RARB: variants seen among roughly 807,000 people sequenced by gnomAD.
RARB encodes the protein retinoic acid receptor beta.
RARB carries 17 observed loss-of-function variants against 51.9 expected under a neutral mutation model. The observed-to-expected ratio is 0.33, with a 90% CI of 0.22 to 0.49. The LOEUF (loss-of-function observed/expected upper bound fraction) is 0.49. RARB is among the 20% of genes least tolerant of loss of function. The probability of loss-of-function intolerance (pLI) is 0.99; values close to 1 mark genes in which losing one functional copy is unlikely to be tolerated. For synonymous variants in RARB, 215 were observed against 195.4 expected (o/e 1.10, Z -0.84); for missense variants, 369 against 550.8 (o/e 0.67, Z 3.30).
chr3:25,311,792 C>A (rs745758678), intron 5 of RARB, among the ~76,000 whole-genome samples: 20 of 152,258 alleles, frequency 1.3e-4, no homozygotes, highest in Admixed American at 2.6e-4. Context: ...ACATATGGTA[C>A]ATAGACAGTT....
At chr3:24,935,003 TGTG>T (rs1695520367) in intron 2 of RARB, among the ~76,000 whole-genome samples, 1 of 152,168 alleles carries the variant, frequency 6.6e-6, no homozygotes. Flanking sequence ...AACCCTATCA[TGTG>T]GTACTATAAT....
chr3:24,989,888 T>C lies in RARB; in HGVS notation c.-379-70237T>C, dbSNP rs1203013487. Among the ~76,000 whole-genome samples, 11 of 87,664 alleles carry C rather than the reference T, an allele frequency of 1.3e-4. 4 individuals are homozygous for C. Among genetic ancestry groups the C allele is most frequent in the Non-Finnish European group, 2.1e-4 (10 of 46,654 alleles). 57.5% of individuals were successfully genotyped at this position (87,664 alleles called of 152,430 possible). A position where few individuals can be genotyped will look rare whatever the true frequency, so the allele number is the denominator to read the frequency against. On this transcript the variant is annotated intron_variant, in intron 2 of 11. Transcript: ENST00000383772. ...AATCTCGGCTCACTGCAAGCTCCCCTTCCCGGGTTCACGCCATTCTCCTGC... is the reference window on the plus strand; with the variant it reads ...AATCTCGGCTCACTGCAAGCTCCCCCTCCCGGGTTCACGCCATTCTCCTGC...
chr3:24,894,283 CCT>C (rs1330735055), intron 2 of RARB, among the ~76,000 whole-genome samples: 1 of 148,318 alleles, frequency 6.7e-6, no homozygotes, highest in Non-Finnish European at 1.5e-5. Flanking sequence ...CCCCGCCCTG[CCT>C]CTCTCTACCA....
At chr3:25,189,216 G>A (rs2043621) in intron 5 of RARB, among the ~76,000 whole-genome samples, 5,511 of 152,176 alleles carry the variant, frequency 0.036, 123 homozygotes, top group Middle Eastern at 0.068. Flanking sequence ...GCAAAAGCAG[G>A]TCCCTGCAGG....
At chr3:25,470,113 A>G (rs1375140988) in intron 2 of RARB, among the ~76,000 whole-genome samples, 3 of 152,162 alleles carry the variant, frequency 2.0e-5, no homozygotes, top group African/African-American at 4.8e-5. Flanking sequence ...AATCTCTGCA[A>G]TTTCACAGCT....
chr3:24,883,356 T>TTGTG (rs3057218), intron 2 of RARB, among the ~76,000 whole-genome samples: 7,832 of 143,674 alleles, frequency 0.055, 228 homozygotes, highest in African/African-American at 0.074. Flanking sequence ...TCAACAATCA[T>TTGTG]TGTGTGTGTG....
intron 3 of RARB, among the ~76,000 whole-genome samples, chr3:25,077,181 T>C (rs937227180): frequency 6.6e-6 from 1 of 152,174 alleles, no homozygotes; most frequent in African/African-American, 2.4e-5. Flanking sequence ...AACTACTCCT[T>C]CTAAACCAAG....
At chr3:25,535,511 T>A (rs1275231943) in intron 3 of RARB, among the ~76,000 whole-genome samples, 1 of 151,544 alleles carries the variant, frequency 6.6e-6, no homozygotes, top group Non-Finnish European at 1.5e-5. Flanking sequence ...GCTGCACCCA[T>A]CAGCCCCTCA....
intron 2 of RARB, among the ~76,000 whole-genome samples, chr3:24,892,843 T>C (rs1703412308): frequency 1.3e-5 from 2 of 152,194 alleles, no homozygotes; most frequent in Non-Finnish European, 2.9e-5. Flanking sequence ...ATAATATAGG[T>C]ATAGATGTTA....
intron 3 of RARB, among the ~76,000 whole-genome samples, chr3:25,127,859 G>C (rs778156205): frequency 3.3e-5 from 5 of 152,012 alleles, no homozygotes; most frequent in Non-Finnish European, 7.4e-5. Flanking sequence ...TTTTTACGAA[G>C]AGTAGTTCAC....
chr3:25,089,282 T>C (rs1361466089), intron 3 of RARB, among the ~76,000 whole-genome samples: 2 of 152,122 alleles, frequency 1.3e-5, no homozygotes, highest in Admixed American at 6.6e-5. Flanking sequence ...AAAAAAAGTA[T>C]GTGTTTTTCA....
At chr3:25,437,314 C>T (rs571955797) in intron 1 of RARB, among the ~76,000 whole-genome samples, 4 of 152,108 alleles carry the variant, frequency 2.6e-5, no homozygotes, top group Non-Finnish European at 5.9e-5. Flanking sequence ...TGAGCATTGT[C>T]ACCTTCAAAG....
At chr3:24,883,715 G>GA (rs1214669668) in intron 2 of RARB, among the ~76,000 whole-genome samples, 2 of 151,964 alleles carry the variant, frequency 1.3e-5, no homozygotes, top group African/African-American at 4.8e-5. Context: ...GAAAAATGAT[G>GA]AAATAAGCAT....
chr3:24,882,851 G>T (rs1703193590), intron 2 of RARB, among the ~76,000 whole-genome samples: 1 of 152,176 alleles, frequency 6.6e-6, no homozygotes, highest in Non-Finnish European at 1.5e-5. Context: ...ACCCATGATT[G>T]GTTGATGAAG....
At chr3:25,491,855 C>T (rs1425213197) in intron 2 of RARB, among the ~76,000 whole-genome samples, 1 of 151,788 alleles carries the variant, frequency 6.6e-6, no homozygotes, top group African/African-American at 2.4e-5. Context: ...GCACAAGAAT[C>T]GCTGGAACCC....
intron 1 of RARB, among the ~76,000 whole-genome samples, chr3:24,837,475 TTTC>T (rs1236315735): frequency 6.6e-6 from 1 of 152,254 alleles, no homozygotes; most frequent in East Asian, 1.9e-4. Flanking sequence ...CAATTGTGGT[TTTC>T]TTTTGATAAT....
chr3:25,405,908 G>A (rs1252704685), intron 5 of RARB, among the ~76,000 whole-genome samples: 1 of 152,128 alleles, frequency 6.6e-6, no homozygotes, highest in African/African-American at 2.4e-5. Context: ...AATGAGAAAG[G>A]GGGAAGACTG....
At chr3:25,341,132 G>A (rs10510563) in intron 5 of RARB, among the ~76,000 whole-genome samples, 28,809 of 152,120 alleles carry the variant, frequency 0.19, 3,478 homozygotes, top group Admixed American at 0.31. Flanking sequence ...CCTGAGCAAA[G>A]CAATACGATG....
At chr3:25,501,422 A>T in intron 3 of RARB, 99 bp downstream of exon 3, 4 of 1,454,606 alleles carry the variant, frequency 2.7e-6, no homozygotes, top group Non-Finnish European at 3.7e-6. Context: ...CACTAACGAA[A>T]TCTTGCCAAG....
Sources: gnomAD v4.1 joint callset for allele counts (sites outside exome capture counted in the v4.1 genomes callset) on GRCh38, gnomAD v4.1.1 for gene constraint, MANE v1.5 for transcripts, NCBI Gene and HGNC (gene_info 2026-07-23, HGNC 2026-07-21) for gene names.